Variants in COL11A1 observed in about 807,000 individuals in gnomAD.
COL11A1 encodes collagen alpha-1(XI) chain.
Under a neutral mutation model 265.2 loss-of-function variants are expected in COL11A1, and 74 were observed. The observed-to-expected ratio is 0.28, with a 90% CI of 0.23 to 0.34. The LOEUF (loss-of-function observed/expected upper bound fraction) is 0.34, where lower values mean the gene tolerates loss of function less well. Among genes scored for constraint, COL11A1 ranks in the 10% least tolerant of loss-of-function variants. COL11A1 has a pLI of 1.00. For synonymous variants in COL11A1, 816 were observed against 727.6 expected (o/e 1.12, Z -1.96); for missense variants, 2,165 against 2,263.6 (o/e 0.96, Z 0.88).
intron 4 of COL11A1, among the ~76,000 whole-genome samples, chr1:103,048,487 C>G (rs955707828): frequency 3.3e-5 from 5 of 151,808 alleles, no homozygotes; most frequent in South Asian, 2.1e-4. Context: ...ATTCTTCTCT[C>G]TTTTCTTCTT....
At chr1:102,967,210 A>C (rs1319568408) in intron 37 of COL11A1, among the ~76,000 whole-genome samples, 3 of 147,258 alleles carry the variant, frequency 2.0e-5, no homozygotes, top group Non-Finnish European at 4.5e-5. Flanking sequence ...CACCCACAAA[A>C]CCAAACATAA....
Position 102,888,637 on chromosome 1 carries a change from G to C in COL11A1, c.4555-7C>G. 2 of 1,613,822 alleles carry C rather than the reference G, an allele frequency of 1.2e-6. No individual in the cohort carries two copies. Among genetic ancestry groups the C allele is most frequent in the Non-Finnish European group, 1.7e-6 (2 of 1,179,796 alleles). On this transcript the variant is annotated splice_region_variant and splice_polypyrimidine_tract_variant and intron_variant, in intron 61 of 66. Coordinates refer to ENST00000370096, the MANE Select transcript of COL11A1 (RefSeq NM_001854.4). ...CTTTCTGGCCAGCGGGTCCCTGTTAGAAAGAAGAGAGAGGACATAAATAAA... is the reference window on the plus strand; with the variant it reads ...CTTTCTGGCCAGCGGGTCCCTGTTACAAAGAAGAGAGAGGACATAAATAAA...
At chr1:103,073,306 G>A (rs1444336005) in intron 4 of COL11A1, among the ~76,000 whole-genome samples, 1 of 151,812 alleles carries the variant, frequency 6.6e-6, no homozygotes, top group Non-Finnish European at 1.5e-5. Flanking sequence ...AAAATAAGGT[G>A]TGGGTTACAA....
intron 55 of COL11A1, 39 bp from the exon 56 acceptor site, chr1:102,898,812 G>A: frequency 6.4e-7 from 1 of 1,567,344 alleles, no homozygotes; most frequent in Non-Finnish European, 8.8e-7. Context: ...TTAGTGATGA[G>A]AAAATACTTT....
At position 103,004,621 on chromosome 1, in the gene COL11A1, T is replaced by C. The variant is rs1371731461; in HGVS notation, c.1886A>G (p.Asp629Gly). Residue 629 changes from aspartate (D) to glycine (G), a missense_variant, in exon 19 of 67, where the codon GAT becomes GGT. Asp to Gly is a moderately conservative substitution (Grantham distance 94). Transcript: ENST00000370096. The part of the protein sequence containing the change: ...GPQGPPGPPG[D>G]DGMRGEDGEI... ...GTATTAACATACCCTCATTCCATCATCACCAGGAGGACCTGGAGGACCTTG... is the reference window on the plus strand; with the variant it reads ...GTATTAACATACCCTCATTCCATCACCACCAGGAGGACCTGGAGGACCTTG... 6.2e-7 allele frequency: 1 copy of C among 1,610,828 alleles called. No homozygotes were observed. Among genetic ancestry groups the C allele is most frequent in the Admixed American group, 1.7e-5 (1 of 59,976 alleles).
intron 29 of COL11A1, among the ~76,000 whole-genome samples, chr1:102,988,886 A>C (rs1350118821): frequency 6.6e-6 from 1 of 152,156 alleles, no homozygotes; most frequent in Non-Finnish European, 1.5e-5. Context: ...CCAATCCTGC[A>C]TGCAGACTTC....
chr1:102,953,662 G>A (rs1348984393), intron 41 of COL11A1, among the ~76,000 whole-genome samples: 1 of 152,024 alleles, frequency 6.6e-6, no homozygotes, highest in Admixed American at 6.6e-5. Context: ...TCAAATAATT[G>A]TAGAAGTAAA....
chr1:103,015,633 A>T, intron 12 of COL11A1, 35 bp downstream of exon 12: 8 of 1,068,938 alleles, frequency 7.5e-6, no homozygotes, highest in East Asian at 2.5e-5. Flanking sequence ...ATGACAAGAT[A>T]TCAAGTCATC....
chr1:103,053,167 C>G (rs1024642176), intron 4 of COL11A1, among the ~76,000 whole-genome samples: 5 of 152,156 alleles, frequency 3.3e-5, no homozygotes, highest in Admixed American at 3.3e-4. Context: ...GGCAATGCCC[C>G]TTTTAGAGGA....
chr1:103,021,358 A>G (rs1002857950), intron 9 of COL11A1, among the ~76,000 whole-genome samples: 2 of 152,126 alleles, frequency 1.3e-5, no homozygotes, highest in African/African-American at 4.8e-5. Context: ...ATTGGAAAGT[A>G]GGAAAGCTAA....
Position 103,045,458 on chromosome 1 carries a change from A to G in COL11A1, c.652-14214T>C, listed in dbSNP as rs116595835. On this transcript the variant is annotated intron_variant, in intron 4 of 66. Coordinates refer to ENST00000370096, the MANE Select transcript of COL11A1 (RefSeq NM_001854.4). ...GTAATACTGATAGTTATAATAATAG[A>G]CAATACTTAGTTGGCACTCACTATA... Among the ~76,000 whole-genome samples, 531 of 152,244 alleles carry G rather than the reference A, an allele frequency of 3.5e-3. 4 individuals carry two copies. Among genetic ancestry groups the G allele is most frequent in the African/African-American group, 0.012 (517 of 41,554 alleles).
intron 46 of COL11A1, among the ~76,000 whole-genome samples, chr1:102,930,979 CTCTT>C (rs1164634201): frequency 6.7e-6 from 1 of 149,504 alleles, no homozygotes; most frequent in East Asian, 2.0e-4. Flanking sequence ...TGATTCTTCT[CTCTT>C]TTTTTCTTTA....
At chr1:102,891,659 G>A (rs1651795662) in intron 57 of COL11A1, among the ~76,000 whole-genome samples, 1 of 148,120 alleles carries the variant, frequency 6.8e-6, no homozygotes, top group South Asian at 2.1e-4. Flanking sequence ...AGGACCGCTT[G>A]AACCTAGGAA....
chr1:102,987,486 A>T, intron 30 of COL11A1, 147 bp downstream of exon 30: 1 of 727,606 alleles, frequency 1.4e-6, no homozygotes, highest in Non-Finnish European at 2.4e-6. Flanking sequence ...ACGTAAATGT[A>T]ATGGTTGCAA....
At position 102,914,769 on chromosome 1, in the gene COL11A1, G is replaced by T; in HGVS notation, c.3859C>A (p.Pro1287Thr). The change falls in exon 51 of 67, where the codon CCT becomes ACT. Residue 1287 changes from proline (P) to threonine (T), a missense_variant. Transcript: ENST00000370096. Reference protein sequence around the residue: ...ERGEKGEAGPPGAAGPPGAKG... With the variant: ...ERGEKGEAGPTGAAGPPGAKG... Reference sequence around the variant, plus strand: ...GCACCTGGAGGTCCAGCAGCTCCAGGTGGACCAGCTTCCCCTTTCTCTCCT... The same window carrying T: ...GCACCTGGAGGTCCAGCAGCTCCAGTTGGACCAGCTTCCCCTTTCTCTCCT... The T allele has an allele frequency of 6.2e-7, 1 of 1,613,094 alleles. No homozygotes were observed. The highest frequency in any genetic ancestry group is 8.5e-7 in the Non-Finnish European group (1 of 1,179,864).
chr1:103,046,498 G>A (rs1315861235), intron 4 of COL11A1, among the ~76,000 whole-genome samples: 1 of 151,576 alleles, frequency 6.6e-6, no homozygotes, highest in Non-Finnish European at 1.5e-5. Flanking sequence ...GTAGATTCTG[G>A]ATATTAGCCC....
At chr1:102,956,936 C>A (rs913539972) in intron 41 of COL11A1, among the ~76,000 whole-genome samples, 17 of 150,586 alleles carry the variant, frequency 1.1e-4, no homozygotes, top group Admixed American at 2.0e-4. Context: ...CTATAAAAAG[C>A]ATACTTGAAA....
chr1:103,108,315 G>A lies in COL11A1; in HGVS notation c.-137C>T. The A allele has an allele frequency of 2.8e-6, 2 of 720,506 alleles. No individual in the cohort carries two copies. Among genetic ancestry groups the A allele is most frequent in the South Asian group, 1.5e-5 (1 of 67,592 alleles). 44.6% of individuals were successfully genotyped at this position (720,506 alleles called of 1,614,324 possible). The stretch of plus-strand genomic sequence containing the variant: ...AGGGAGAGGGGGAAAAAGTCAAAGG[G>A]CTTTTTCTTCTAAATTTGATGGTTT... On this transcript the variant is annotated 5_prime_UTR_variant, in exon 1 of 67. Coordinates refer to ENST00000370096, the MANE Select transcript of COL11A1 (RefSeq NM_001854.4).
intron 28 of COL11A1, among the ~76,000 whole-genome samples, chr1:102,989,873 T>C (rs1663953874): frequency 6.6e-6 from 1 of 152,140 alleles, no homozygotes; most frequent in African/African-American, 2.4e-5. Flanking sequence ...ATGTATTCTA[T>C]ACTGGTTAAA....
Sources: allele counts gnomAD v4.1 joint callset (sites outside exome capture counted in the v4.1 genomes callset), GRCh38; gene constraint gnomAD v4.1.1; transcripts MANE v1.5; gene names NCBI Gene and HGNC (gene_info 2026-07-23, HGNC 2026-07-21).